ARHGAP24: variants seen among roughly 807,000 people sequenced by gnomAD.
ARHGAP24 encodes the protein rho GTPase-activating protein 24.
In ARHGAP24, 50 loss-of-function variants were observed where a neutral mutation model predicts 76.4. The ratio of observed to expected loss-of-function variants is 0.65; its 90% CI spans 0.52 to 0.83. The LOEUF (loss-of-function observed/expected upper bound fraction) is 0.83, where lower values mean the gene tolerates loss of function less well. Ranked by LOEUF, ARHGAP24 falls within the 40% of genes least tolerant of loss-of-function variation. The probability of loss-of-function intolerance (pLI) is 0.00; values close to 1 mark genes in which losing one functional copy is unlikely to be tolerated. For missense variants in ARHGAP24, 930 were observed against 914.2 expected, an observed-to-expected ratio of 1.02 and a Z score of -0.22; for synonymous variants, 345 against 323.3, an observed-to-expected ratio of 1.07 and a Z score of -0.72.
chr4:85,827,835 C>A, intron 3 of ARHGAP24: 1 of 1,082,802 alleles, frequency 9.2e-7, no homozygotes, highest in Non-Finnish European at 1.2e-6. Flanking sequence ...ATGGGAGAAA[C>A]TGCAGTGAGC....
chr4:85,916,686 C>T (rs1302120099), intron 3 of ARHGAP24, among the ~76,000 whole-genome samples: 1 of 152,070 alleles, frequency 6.6e-6, no homozygotes, highest in African/African-American at 2.4e-5. Flanking sequence ...AAACAATTCA[C>T]CCTGGAAGTT....
intron 3 of ARHGAP24, among the ~76,000 whole-genome samples, chr4:85,809,817 T>A (rs1463464351): frequency 6.6e-6 from 1 of 152,180 alleles, no homozygotes; most frequent in African/African-American, 2.4e-5. Context: ...TGTGCCTAAT[T>A]AAGGGATTTC....
At chr4:85,583,795 A>G (rs375067003) in intron 2 of ARHGAP24, among the ~76,000 whole-genome samples, 2 of 151,444 alleles carry the variant, frequency 1.3e-5, no homozygotes, top group East Asian at 3.9e-4. Flanking sequence ...ATGAATAGAC[A>G]CTTCTCAAAA....
At chr4:85,728,138 A>C (rs1725238649) in intron 3 of ARHGAP24, among the ~76,000 whole-genome samples, 1 of 151,582 alleles carries the variant, frequency 6.6e-6, no homozygotes, top group South Asian at 2.1e-4. Context: ...TTTCCATTCT[A>C]ATTATTTTTT....
chr4:85,959,445 G>A (rs910952949), intron 5 of ARHGAP24, among the ~76,000 whole-genome samples: 3 of 152,134 alleles, frequency 2.0e-5, no homozygotes, highest in Non-Finnish European at 2.9e-5. Flanking sequence ...CCAGTAACTT[G>A]CAGCCTCGTT....
intron 2 of ARHGAP24, among the ~76,000 whole-genome samples, chr4:85,694,003 C>G (rs1200666349): frequency 6.6e-6 from 1 of 152,172 alleles, no homozygotes; most frequent in Non-Finnish European, 1.5e-5. Flanking sequence ...TTCACCCACT[C>G]CTTCCCCAGG....
intron 3 of ARHGAP24, among the ~76,000 whole-genome samples, chr4:85,867,332 G>A (rs1243947434): frequency 6.6e-6 from 1 of 151,996 alleles, no homozygotes; most frequent in Admixed American, 6.6e-5. Flanking sequence ...AGTGTAATAT[G>A]GATCTTATTG....
chr4:85,975,091 G>T lies in ARHGAP24; in HGVS notation c.806+130G>T, dbSNP rs1739246405. The T allele has an allele frequency of 5.0e-6, 4 of 800,288 alleles. No homozygotes were observed. In the Admixed American group the frequency reaches 8.1e-5, roughly 16 times the overall value. The allele number at this position is 800,288 out of a possible 1,614,324, so 49.6% of individuals were successfully genotyped here. Reference sequence around the variant, plus strand: ...AGTGTTGGCCTCTGTAAAATTAAAAGATTGGACAAGGTGATCTCAGAGGCT... The same window carrying T: ...AGTGTTGGCCTCTGTAAAATTAAAATATTGGACAAGGTGATCTCAGAGGCT... On this transcript the variant is annotated intron_variant, in intron 7 of 9. Transcript: ENST00000395184.
intron 2 of ARHGAP24, among the ~76,000 whole-genome samples, chr4:85,631,233 A>G (rs1721149247): frequency 6.6e-6 from 1 of 152,172 alleles, no homozygotes; most frequent in Non-Finnish European, 1.5e-5. Flanking sequence ...GTTTCACTTG[A>G]ATAGATATCT....
chr4:85,871,750 A>G (rs1456827126), intron 3 of ARHGAP24, among the ~76,000 whole-genome samples: 2 of 152,192 alleles, frequency 1.3e-5, no homozygotes, highest in Non-Finnish European at 2.9e-5. Flanking sequence ...GGGGCCTTGA[A>G]GCTTAAGCTC....
At chr4:85,755,919 C>T (rs1726473209) in intron 3 of ARHGAP24, among the ~76,000 whole-genome samples, 2 of 152,032 alleles carry the variant, frequency 1.3e-5, no homozygotes, top group African/African-American at 4.8e-5. Flanking sequence ...AGGCGTGAGC[C>T]ACCGCGCTAG....
chr4:85,649,525 G>A (rs1246873004), intron 2 of ARHGAP24, among the ~76,000 whole-genome samples: 4 of 152,054 alleles, frequency 2.6e-5, no homozygotes, highest in Admixed American at 6.6e-5. Flanking sequence ...TGCATTTAAT[G>A]TATTATAAAG....
At chr4:85,744,652 C>T (rs930628048) in intron 3 of ARHGAP24, among the ~76,000 whole-genome samples, 4 of 152,070 alleles carry the variant, frequency 2.6e-5, no homozygotes, top group Non-Finnish European at 4.4e-5. Context: ...ACCCTCCACG[C>T]GTTAGAGGCA....
chr4:85,704,723 G>A (rs926209400), intron 2 of ARHGAP24, among the ~76,000 whole-genome samples: 7 of 152,204 alleles, frequency 4.6e-5, no homozygotes, highest in African/African-American at 1.2e-4. Context: ...AGGAAACTCC[G>A]AGGACAGGTT....
intron 3 of ARHGAP24, among the ~76,000 whole-genome samples, chr4:85,762,224 C>G (rs17010795): frequency 0.047 from 7,085 of 152,268 alleles, 214 homozygotes; most frequent in Non-Finnish European, 0.067. Context: ...TACGGAGCAA[C>G]CATCAGTATC....
intron 3 of ARHGAP24, among the ~76,000 whole-genome samples, chr4:85,862,883 T>G (rs1207221237): frequency 6.6e-6 from 1 of 152,174 alleles, no homozygotes; most frequent in Non-Finnish European, 1.5e-5. Flanking sequence ...TTATTGCTAT[T>G]ACTATGGCAC....
At chr4:85,598,398 C>A (rs1236286635) in intron 2 of ARHGAP24, among the ~76,000 whole-genome samples, 2 of 152,140 alleles carry the variant, frequency 1.3e-5, no homozygotes, top group East Asian at 3.9e-4. Context: ...TTAACACCCT[C>A]TCTTTCATTT....
chr4:85,645,878 A>G (rs988035396), intron 2 of ARHGAP24, among the ~76,000 whole-genome samples: 2 of 152,098 alleles, frequency 1.3e-5, no homozygotes, highest in African/African-American at 4.8e-5. Context: ...CCATGAATCA[A>G]TATTACAGAA....
At chr4:85,539,480 T>C (rs73832792) in intron 1 of ARHGAP24, among the ~76,000 whole-genome samples, 18,637 of 152,028 alleles carry the variant, frequency 0.12, 3,191 homozygotes, top group African/African-American at 0.39. Flanking sequence ...AAATAAATGG[T>C]CATAATCTAT....
Sources: allele counts gnomAD v4.1 joint callset (sites outside exome capture counted in the v4.1 genomes callset), GRCh38; gene constraint gnomAD v4.1.1; transcripts MANE v1.5; gene names NCBI Gene and HGNC (gene_info 2026-07-23, HGNC 2026-07-21).